The following COL25A1 variants were observed in gnomAD, a reference collection of about 807,000 sequenced individuals.
COL25A1 encodes collagen alpha-1(XXV) chain.
COL25A1 carries 103 observed loss-of-function variants against 128.4 expected under a neutral mutation model. The ratio of observed to expected loss-of-function variants is 0.80; its 90% CI spans 0.68 to 0.94. The LOEUF (loss-of-function observed/expected upper bound fraction) is 0.94. Ranked by LOEUF, COL25A1 falls within the 40% of genes least tolerant of loss-of-function variation. The pLI, the probability that COL25A1 is intolerant of heterozygous loss-of-function variation, is 0.00. For missense variants in COL25A1, 745 were observed against 840.0 expected, an observed-to-expected ratio of 0.89 and a Z score of 1.40; for synonymous variants, 279 against 277.2, an observed-to-expected ratio of 1.01 and a Z score of -0.06.
chr4:109,113,430 T>C (rs1401454360), intron 3 of COL25A1, among the ~76,000 whole-genome samples: 1 of 152,100 alleles, frequency 6.6e-6, no homozygotes, highest in East Asian at 1.9e-4. Context: ...ATTTTGTGTG[T>C]GTGTGTGATC....
rs937890481 is a variant in COL25A1 at position 108,809,639 on chromosome 4, A to G, written c.*4288T>C. On this transcript the variant is annotated 3_prime_UTR_variant, in exon 38 of 38. Coordinates refer to ENST00000399132, the MANE Select transcript of COL25A1 (RefSeq NM_198721.4). Reference sequence around the variant, plus strand: ...GAAAAAAGTCATTAAAGTGTTTATTAGTACGGGGTTAGCAAAAACCAAACT... The same window carrying G: ...GAAAAAAGTCATTAAAGTGTTTATTGGTACGGGGTTAGCAAAAACCAAACT... 1.3e-5 allele frequency: 2 copies of G among 152,076 alleles called. No individual in the cohort carries two copies. Among genetic ancestry groups the G allele is most frequent in the African/African-American group, 4.8e-5 (2 of 41,448 alleles). 9.4% of individuals were successfully genotyped at this position (152,076 alleles called of 1,614,324 possible). A position where few individuals can be genotyped will look rare whatever the true frequency, so the allele number is the denominator to read the frequency against.
At chr4:109,105,095 C>G (rs1464695013) in intron 3 of COL25A1, among the ~76,000 whole-genome samples, 1 of 152,108 alleles carries the variant, frequency 6.6e-6, no homozygotes, top group African/African-American at 2.4e-5. Flanking sequence ...TTATGCTGAT[C>G]ACTGTGGAGG....
At chr4:109,144,922 T>C (rs762933338) in intron 3 of COL25A1, among the ~76,000 whole-genome samples, 3 of 152,196 alleles carry the variant, frequency 2.0e-5, no homozygotes, top group Non-Finnish European at 4.4e-5. Flanking sequence ...ATTGATGTCA[T>C]AAAATCCTTT....
At chr4:109,046,335 A>C (rs2125935704) in intron 5 of COL25A1, among the ~76,000 whole-genome samples, 1 of 152,378 alleles carries the variant, frequency 6.6e-6, no homozygotes, top group Non-Finnish European at 1.5e-5. Flanking sequence ...TTGGACTAAC[A>C]GATGGCCTCA....
At chr4:109,014,186 A>G (rs2126052555) in intron 5 of COL25A1, among the ~76,000 whole-genome samples, 1 of 152,242 alleles carries the variant, frequency 6.6e-6, no homozygotes, top group East Asian at 1.9e-4. Context: ...ACGCACCTGT[A>G]ATTCCACCTA....
intron 5 of COL25A1, among the ~76,000 whole-genome samples, chr4:109,023,704 G>A (rs1648042): frequency 0.5 from 76,212 of 151,920 alleles, 21,883 homozygotes; most frequent in African/African-American, 0.77. Context: ...AGAAATGGAT[G>A]TCAATTACAA....
intron 3 of COL25A1, among the ~76,000 whole-genome samples, chr4:109,057,077 C>A (rs1461175082): frequency 6.6e-6 from 1 of 152,118 alleles, no homozygotes; most frequent in African/African-American, 2.4e-5. Context: ...CCAGGCTGGT[C>A]TCAAACTCCT....
chr4:109,057,784 C>T (rs1158486780), intron 3 of COL25A1, among the ~76,000 whole-genome samples: 1 of 152,070 alleles, frequency 6.6e-6, no homozygotes, highest in East Asian at 1.9e-4. Context: ...TCCCAGTTAT[C>T]GCAGTGTAAG....
intron 13 of COL25A1, among the ~76,000 whole-genome samples, chr4:108,912,007 T>C (rs1159615528): frequency 6.6e-6 from 1 of 152,196 alleles, no homozygotes; most frequent in Non-Finnish European, 1.5e-5. Flanking sequence ...ATCTTACTTA[T>C]TTTATTTCAA....
chr4:109,202,211 A>T (rs1298053432), intron 3 of COL25A1, among the ~76,000 whole-genome samples: 2 of 152,298 alleles, frequency 1.3e-5, no homozygotes, highest in East Asian at 3.9e-4. Context: ...CCCGACTTCA[A>T]AACTTACTAT....
chr4:108,957,275 A>G (rs933723473), intron 8 of COL25A1, among the ~76,000 whole-genome samples: 3 of 152,154 alleles, frequency 2.0e-5, no homozygotes, highest in Non-Finnish European at 4.4e-5. Flanking sequence ...GGCTTGGAGC[A>G]GGAGAAGATG....
At chr4:109,063,544 A>T (rs921920117) in intron 3 of COL25A1, among the ~76,000 whole-genome samples, 13 of 151,710 alleles carry the variant, frequency 8.6e-5, no homozygotes, top group Non-Finnish European at 1.8e-4. Flanking sequence ...AAGGAAGGAT[A>T]AAAAAATGAG....
chr4:109,220,326 C>G (rs1778321382), intron 3 of COL25A1, among the ~76,000 whole-genome samples: 1 of 152,118 alleles, frequency 6.6e-6, no homozygotes, highest in Non-Finnish European at 1.5e-5. Context: ...CGCAGACATC[C>G]ATTTCGCTTC....
At chr4:109,191,518 C>T (rs1775620440) in intron 3 of COL25A1, among the ~76,000 whole-genome samples, 1 of 152,194 alleles carries the variant, frequency 6.6e-6, no homozygotes, top group South Asian at 2.1e-4. Flanking sequence ...AAGCCTTTCA[C>T]CTCGGCCAAC....
chr4:109,198,372 C>T (rs372005515), intron 3 of COL25A1, among the ~76,000 whole-genome samples: 9 of 151,178 alleles, frequency 6.0e-5, no homozygotes, highest in African/African-American at 1.2e-4. Flanking sequence ...AAGAGAAAAC[C>T]GATGTTCAGA....
intron 3 of COL25A1, among the ~76,000 whole-genome samples, chr4:109,138,879 T>C (rs1159534405): frequency 3.3e-5 from 5 of 152,092 alleles, no homozygotes; most frequent in Non-Finnish European, 5.9e-5. Context: ...GGCTAATTTT[T>C]TGTATTTTTA....
intron 26 of COL25A1, among the ~76,000 whole-genome samples, chr4:108,849,956 G>A (rs1735577368): frequency 6.6e-6 from 1 of 152,112 alleles, no homozygotes; most frequent in African/African-American, 2.4e-5. Flanking sequence ...CGGGGGAAGG[G>A]CCTTTTCTTA....
At chr4:108,838,104 A>C in intron 31 of COL25A1, 2 of 1,547,212 alleles carry the variant, frequency 1.3e-6, no homozygotes, top group Non-Finnish European at 1.7e-6. Context: ...TTACTGGAAG[A>C]CCAAGGGGTC....
intron 8 of COL25A1, among the ~76,000 whole-genome samples, chr4:108,947,664 T>C (rs955367473): frequency 6.6e-6 from 1 of 152,116 alleles, no homozygotes; most frequent in African/African-American, 2.4e-5. Flanking sequence ...AAAATTCTAG[T>C]CAGGCAAATG....
Sources: allele counts gnomAD v4.1 joint callset (sites outside exome capture counted in the v4.1 genomes callset), GRCh38; gene constraint gnomAD v4.1.1; transcripts MANE v1.5; gene names NCBI Gene and HGNC (gene_info 2026-07-23, HGNC 2026-07-21).